The following MAPK8IP3 variants were observed in gnomAD, a reference collection of about 807,000 sequenced individuals.
The protein encoded by MAPK8IP3 is mitogen-activated protein kinase 8 interacting protein 3.
A neutral mutation model predicts 157.8 loss-of-function variants in MAPK8IP3; 49 were observed. The observed-to-expected ratio is 0.31, with a 90% CI of 0.25 to 0.39. The LOEUF is 0.39. MAPK8IP3 is among the 10% of genes least tolerant of loss of function. The pLI is 1.00. For missense variants in MAPK8IP3, 1,478 were observed against 1,889.4 expected, an observed-to-expected ratio of 0.78 and a Z score of 4.04; for synonymous variants, 897 against 777.7, an observed-to-expected ratio of 1.15 and a Z score of -2.55.
At chr16:1,731,187 A>G (rs2039295040) in intron 4 of MAPK8IP3, among the ~76,000 whole-genome samples, 1 of 151,208 alleles carries the variant, frequency 6.6e-6, no homozygotes, top group Admixed American at 6.6e-5. Flanking sequence ...AAAATTAGCC[A>G]GTGTGATGGT....
At chr16:1,713,923 G>A (rs146664683) in intron 1 of MAPK8IP3, 117 of 152,324 alleles carry the variant, frequency 7.7e-4, no homozygotes, top group Middle Eastern at 3.4e-3. Context: ...GTAGACGCCC[G>A]GACCCCAGAG....
chr16:1,765,509 C>G (rs1387454469), intron 20 of MAPK8IP3, among the ~76,000 whole-genome samples: 3 of 152,208 alleles, frequency 2.0e-5, no homozygotes, highest in Admixed American at 1.3e-4. Context: ...TGTGAAACCT[C>G]CAGTTGGGCC....
At chr16:1,748,966 G>A (rs1244657971) in intron 8 of MAPK8IP3, 1 of 652,934 alleles carries the variant, frequency 1.5e-6, no homozygotes, top group African/African-American at 1.8e-5. Flanking sequence ...AAGTGGTGTA[G>A]TGTTTGCACC....
Position 1,706,480 on chromosome 16 carries a change from C to T in MAPK8IP3, c.141C>T (p.Tyr47=). The part of the protein sequence containing the change: ...YREFERLIHC[Y]DEEVVKELMP... ...AGTTCGAGCGCCTCATCCACTGCTA[C>T]GACGAGGAGGTGGTCAAGGAGCTCA... The change falls in exon 1 of 32, where the codon TAC becomes TAT. Residue 47 remains tyrosine (Y), a synonymous_variant. Coordinates refer to ENST00000610761, the MANE Select transcript of MAPK8IP3 (RefSeq NM_001318852.2). This position sits in a 1 kb window ranked among gnomAD's most constrained non-coding sequence, Gnocchi z 5.1. 3 of 1,614,090 alleles carry T rather than the reference C, an allele frequency of 1.9e-6. No individual in the cohort carries two copies. The highest frequency in any genetic ancestry group is 2.5e-6 in the Non-Finnish European group (3 of 1,179,990).
intron 8 of MAPK8IP3, among the ~76,000 whole-genome samples, chr16:1,754,655 C>T (rs1411807739): frequency 6.6e-6 from 1 of 151,830 alleles, no homozygotes; most frequent in Non-Finnish European, 1.5e-5. Context: ...CCTGTAGTCC[C>T]AGCTACTCAG....
chr16:1,740,504 C>T (rs552948135), intron 4 of MAPK8IP3, among the ~76,000 whole-genome samples: 14 of 152,332 alleles, frequency 9.2e-5, no homozygotes, highest in South Asian at 2.1e-4. Context: ...TCCATATGAG[C>T]GTGTGCGCAC....
chr16:1,756,743 G>A lies in MAPK8IP3; in HGVS notation c.1217-1405G>A, dbSNP rs528818090. Among the ~76,000 whole-genome samples, 76 of 152,120 alleles carry A rather than the reference G, an allele frequency of 5.0e-4. 2 individuals carry two copies. In the South Asian group the frequency reaches 0.015, roughly 30 times the overall value. ...AGGCTGAGGTGGGAGGATCTCTTGA[G>A]CCTGGGAGGTCAACGTTGCAGTAAG... On this transcript the variant is annotated intron_variant, in intron 8 of 31. Coordinates refer to ENST00000610761, the MANE Select transcript of MAPK8IP3 (RefSeq NM_001318852.2).
chr16:1,763,201 C>T (rs1209437731), intron 16 of MAPK8IP3, among the ~76,000 whole-genome samples, 195 bp downstream of exon 16: 2 of 152,224 alleles, frequency 1.3e-5, no homozygotes, highest in African/African-American at 4.8e-5. Flanking sequence ...TGCTTTGGCT[C>T]CACGGTATTT....
In MAPK8IP3 at chr16:1,767,197, C is replaced by T. The variant is rs376175082; in HGVS notation, c.3137C>T (p.Pro1046Leu). ...SNYHLMDLGH[P>L]HHSIRCMAVV... ...TATCACCTAATGGACCTGGGCCACC[C>T]GCACCACTCCATCCGCTGCATGGCT... Residue 1046 changes from proline (P) to leucine (L), a missense_variant, in exon 26 of 32, where the codon CCG becomes CTG. Transcript: ENST00000610761. The T allele has an allele frequency of 1.5e-5, 24 of 1,613,230 alleles. No homozygotes were observed. Among genetic ancestry groups the T allele is most frequent in the African/African-American group, 2.7e-5 (2 of 74,934 alleles).
chr16:1,748,911 G>A (rs764138754), intron 8 of MAPK8IP3, 191 bp downstream of exon 8: 5 of 729,628 alleles, frequency 6.9e-6, no homozygotes, highest in Admixed American at 5.2e-5. Flanking sequence ...TTTCTGGACT[G>A]CCCCAAGGAT....
rs894935613 is a variant in MAPK8IP3, at chr16:1,706,201, G to A, written c.-139G>A. ...GTGAGTGAGTGACGGGCGCAGCCTC[G>A]GCAGCGGCGGCGGCGGAGCCCTGAG... is the stretch of plus-strand genomic sequence containing the variant. On this transcript the variant is annotated 5_prime_UTR_variant, in exon 1 of 32. Coordinates refer to ENST00000610761, the MANE Select transcript of MAPK8IP3 (RefSeq NM_001318852.2). The surrounding 1 kb of genome is among the most constrained non-coding windows in gnomAD (Gnocchi z 5.1). 7 of 644,586 alleles carry A rather than the reference G, an allele frequency of 1.1e-5. No homozygotes were observed. The South Asian group carries it at 1.8e-4, about 17-fold the overall frequency. The allele number at this position is 644,586 out of a possible 1,614,324, so 39.9% of individuals were successfully genotyped here. A position where few individuals can be genotyped will look rare whatever the true frequency, so the allele number is the denominator to read the frequency against.
chr16:1,738,085 ACCAT>A (rs1377540646), intron 4 of MAPK8IP3, among the ~76,000 whole-genome samples: 4 of 76,872 alleles, frequency 5.2e-5, no homozygotes, highest in African/African-American at 1.8e-4. Context: ...TGAGAGTGTG[ACCAT>A]CCATGTGAGC....
intron 1 of MAPK8IP3, among the ~76,000 whole-genome samples, chr16:1,723,682 T>C (rs111758798): frequency 6.6e-6 from 1 of 152,184 alleles, no homozygotes; most frequent in African/African-American, 2.4e-5. Context: ...TCCAGTGAAA[T>C]TTCTTGATAA....
intron 8 of MAPK8IP3, 100 bp downstream of exon 8, chr16:1,748,820 T>A: frequency 9.3e-7 from 1 of 1,080,100 alleles, no homozygotes; most frequent in Non-Finnish European, 1.4e-6. Context: ...CTGTCAGCTG[T>A]GAGCTAGGAA....
At chr16:1,752,387 C>G (rs1220665671) in intron 8 of MAPK8IP3, 1 of 260,698 alleles carries the variant, frequency 3.8e-6, no homozygotes, top group Non-Finnish European at 7.8e-6. Context: ...GCACGACAGG[C>G]TGCTCTTGGG....
Position 1,768,251 on chromosome 16 carries a change from C to T in MAPK8IP3, c.3615C>T (p.Ile1205=). Residue 1205 remains isoleucine (I), a synonymous_variant, in exon 30 of 32, where the codon ATC becomes ATT. Transcript: ENST00000610761. ...SGEGARPGGI[I]HVYGDDSSDR... is the part of the protein sequence containing the mutation. ...AGGGCGCCCGTCCCGGGGGCATCAT[C>T]CACGTGTATGGCGATGACAGCAGTG... The T allele has an allele frequency of 3.7e-6, 6 of 1,612,418 alleles. No homozygotes were observed. Among genetic ancestry groups the T allele is most frequent in the Non-Finnish European group, 5.1e-6 (6 of 1,179,988 alleles).
At position 1,762,440 on chromosome 16, in the gene MAPK8IP3, G is replaced by T; in HGVS notation, c.1629G>T (p.Leu543=). ...AGCGGAACCAGTACAAGGAGCGGCTGATGGAGCTGCAGGAGGCTGTGCGGT... is the reference window on the plus strand; with the variant it reads ...AGCGGAACCAGTACAAGGAGCGGCTTATGGAGCTGCAGGAGGCTGTGCGGT... ...LMERNQYKER[L]MELQEAVRWT... The change falls in exon 14 of 32, where the codon CTG becomes CTT. Residue 543 remains leucine, a synonymous_variant. Coordinates refer to ENST00000610761, the MANE Select transcript of MAPK8IP3 (RefSeq NM_001318852.2). The T allele has an allele frequency of 6.2e-7, 1 of 1,610,162 alleles. No individual in the cohort carries two copies. Among genetic ancestry groups the T allele is most frequent in the Non-Finnish European group, 8.5e-7 (1 of 1,178,478 alleles).
At chr16:1,740,515 G>A (rs965305344) in intron 4 of MAPK8IP3, among the ~76,000 whole-genome samples, 1 of 152,180 alleles carries the variant, frequency 6.6e-6, no homozygotes, top group Non-Finnish European at 1.5e-5. Context: ...GTGTGCGCAC[G>A]CTGTGGCCCA....
chr16:1,767,924 T>C lies in MAPK8IP3; in HGVS notation c.3523+6T>C. ...CTCCATCCCCCTGACAGAGAGTGAG[T>C]GGCCTGCACACCTGCAGGGGCAGTG... On this transcript the variant is annotated splice_donor_region_variant and intron_variant, in intron 28 of 31. Coordinates refer to ENST00000610761, the MANE Select transcript of MAPK8IP3 (RefSeq NM_001318852.2). 1 of 1,610,208 alleles carries C rather than the reference T, an allele frequency of 6.2e-7. No individual in the cohort carries two copies. The highest frequency in any genetic ancestry group is 8.5e-7 in the Non-Finnish European group (1 of 1,179,232).
Sources: allele counts gnomAD v4.1 joint callset (sites outside exome capture counted in the v4.1 genomes callset), GRCh38; gene constraint gnomAD v4.1.1; non-coding constraint Gnocchi (gnomAD v3.1); transcripts MANE v1.5; gene names NCBI Gene and HGNC (gene_info 2026-07-23, HGNC 2026-07-21).